FAM174B: variants seen among roughly 807,000 people sequenced by gnomAD.
FAM174B encodes the protein family with sequence similarity 174 member B.
FAM174B carries 12 observed loss-of-function variants against 10.9 expected under a neutral mutation model. The observed-to-expected ratio is 1.10, with a 90% CI of 0.71 to 1.79. The LOEUF (loss-of-function observed/expected upper bound fraction) is 1.79. Among genes scored for constraint, FAM174B ranks in the 40% most tolerant of loss-of-function variants. The probability of loss-of-function intolerance (pLI) is 0.00; values close to 1 mark genes in which losing one functional copy is unlikely to be tolerated. For missense variants in FAM174B, 266 were observed against 233.3 expected (o/e 1.14, Z -0.91); for synonymous variants, 132 against 115.8 (o/e 1.14, Z -0.90).
chr15:92,635,169 CCACACA>C (rs58350171), intron 1 of FAM174B, among the ~76,000 whole-genome samples: 2 of 10,776 alleles, frequency 1.9e-4, no homozygotes, highest in African/African-American at 3.1e-4. Flanking sequence ...CCACACACAC[CCACACA>C]CACACACACA....
rs183036404 is a variant in FAM174B at position 92,626,462 on chromosome 15, A to T, written c.476+3752T>A. On this transcript the variant is annotated intron_variant, in intron 2 of 2. Coordinates refer to ENST00000327355, the MANE Select transcript of FAM174B (RefSeq NM_207446.3). Reference sequence around the variant, plus strand: ...AATAACTGCAATAAACAAAAAGTTTAAAAATAATATTTTTTAAGAGACATC... The same window carrying T: ...AATAACTGCAATAAACAAAAAGTTTTAAAATAATATTTTTTAAGAGACATC... 2.6e-3 allele frequency among the ~76,000 whole-genome samples: 390 copies of T among 152,314 alleles called. 2 individuals carry two copies. Among genetic ancestry groups the T allele is most frequent in the African/African-American group, 8.9e-3 (368 of 41,562 alleles).
chr15:92,655,038 G>GT (rs1435044969), intron 1 of FAM174B: 1 of 302,654 alleles, frequency 3.3e-6, no homozygotes, highest in African/African-American at 2.2e-5. Flanking sequence ...TATTGTTAGT[G>GT]TTCAGCATTA....
intron 1 of FAM174B, among the ~76,000 whole-genome samples, chr15:92,632,102 A>G (rs1160843883): frequency 6.6e-6 from 1 of 152,236 alleles, no homozygotes; most frequent in African/African-American, 2.4e-5. Context: ...TGATAAATAA[A>G]GAGGAATTAA....
At chr15:92,629,636 C>A (rs2050777533) in intron 2 of FAM174B, among the ~76,000 whole-genome samples, 1 of 152,190 alleles carries the variant, frequency 6.6e-6, no homozygotes, top group Non-Finnish European at 1.5e-5. Context: ...TTGTGTTCTC[C>A]TTTGGGAAAA....
Position 92,631,171 on chromosome 15 carries a change from T to C in FAM174B, c.345-826A>G, listed in dbSNP as rs1310662089. Among the ~76,000 whole-genome samples, 39 of 15,664 alleles carry C rather than the reference T, an allele frequency of 2.5e-3. 11 individuals are homozygous for C. Among genetic ancestry groups the C allele is most frequent in the African/African-American group, 4.8e-3 (39 of 8,180 alleles). The allele number at this position is 15,664 out of a possible 152,430, so 10.3% of individuals were successfully genotyped here. ...TATTATATTATATATTATATAATAA[T>C]TTATATATTATATTATATATTATAT... is the stretch of plus-strand genomic sequence containing the variant. On this transcript the variant is annotated intron_variant, in intron 1 of 2. Transcript: ENST00000327355.
chr15:92,619,995 A>G (rs2050708566), intron 2 of FAM174B: 1 of 158,244 alleles, frequency 6.3e-6, no homozygotes, highest in African/African-American at 2.4e-5. Context: ...TTCTTTTTCA[A>G]CCATTAAAAT....
chr15:92,650,354 T>A (rs761689668), intron 1 of FAM174B, among the ~76,000 whole-genome samples: 1 of 152,184 alleles, frequency 6.6e-6, no homozygotes, highest in Non-Finnish European at 1.5e-5. Context: ...TCAGACCGCT[T>A]AGAATTCAAC....
chr15:92,638,375 G>A (rs2050869084), intron 1 of FAM174B, among the ~76,000 whole-genome samples: 1 of 152,178 alleles, frequency 6.6e-6, no homozygotes, highest in Non-Finnish European at 1.5e-5. Context: ...TTCACCAGCT[G>A]CTCAGAAACA....
At chr15:92,649,888 A>G (rs933298321) in intron 1 of FAM174B, among the ~76,000 whole-genome samples, 5 of 152,218 alleles carry the variant, frequency 3.3e-5, no homozygotes, top group African/African-American at 1.2e-4. Flanking sequence ...AATATCAAAC[A>G]TGAAAGAAGA....
intron 2 of FAM174B, among the ~76,000 whole-genome samples, chr15:92,624,287 C>A (rs2050738887): frequency 6.6e-6 from 1 of 152,172 alleles, no homozygotes; most frequent in Non-Finnish European, 1.5e-5. Context: ...CCTTCCAGGC[C>A]TTGGAAGCTA....
At position 92,617,869 on chromosome 15, in the gene FAM174B, C is replaced by A; in HGVS notation, c.*1587G>T. 2.2e-6 allele frequency: 1 copy of A among 445,162 alleles called. No homozygotes were observed. The allele number at this position is 445,162 out of a possible 1,614,324, so 27.6% of individuals were successfully genotyped here. A position where few individuals can be genotyped will look rare whatever the true frequency, so the allele number is the denominator to read the frequency against. On this transcript the variant is annotated 3_prime_UTR_variant, in exon 3 of 3. Coordinates refer to ENST00000327355, the MANE Select transcript of FAM174B (RefSeq NM_207446.3). ...GCAGGGAGCAGAGACTACACGCAGG[C>A]CCCCCGTGGCTGGCAATACCATGCG...
rs200701341 is a variant in FAM174B, at chr15:92,630,254, C to A, written c.436G>T (p.Asp146Tyr). 4 of 1,613,276 alleles carry A rather than the reference C, an allele frequency of 2.5e-6. No individual in the cohort carries two copies. The East Asian group carries it at 8.9e-5, about 36-fold the overall frequency. The change falls in exon 2 of 3, where the codon GAT becomes TAT. Residue 146 changes from aspartate (D) to tyrosine (Y), a missense_variant. Transcript: ENST00000327355. ...VEMAPLNEEDDEDEDSTVFDI... is the reference protein window; with the variant it reads ...VEMAPLNEEDYEDEDSTVFDI... ...AATACTGTGGAGTCCTCATCTTCATCATCCTCTTCATTTAGTGGCGCCATT... is the reference window on the plus strand; with the variant it reads ...AATACTGTGGAGTCCTCATCTTCATAATCCTCTTCATTTAGTGGCGCCATT...
intron 1 of FAM174B, 156 bp downstream of exon 1, chr15:92,655,160 C>A: frequency 1.8e-6 from 2 of 1,083,286 alleles, no homozygotes; most frequent in Non-Finnish European, 2.4e-6. Flanking sequence ...ACACCCCGGC[C>A]CCCCACCCAC....
intron 1 of FAM174B, among the ~76,000 whole-genome samples, chr15:92,642,581 A>G (rs2050898697): frequency 6.6e-6 from 1 of 152,212 alleles, no homozygotes; most frequent in African/African-American, 2.4e-5. Flanking sequence ...TGATGGTTTT[A>G]TAAGGGGATT....
chr15:92,620,590 G>A (rs554593991), intron 2 of FAM174B, among the ~76,000 whole-genome samples: 25 of 152,198 alleles, frequency 1.6e-4, no homozygotes, highest in African/African-American at 5.1e-4. Flanking sequence ...CACGGCGGGT[G>A]GATCACTTGA....
intron 1 of FAM174B, among the ~76,000 whole-genome samples, chr15:92,635,171 A>ACACACC (rs2050846891): frequency 1.5e-5 from 2 of 129,414 alleles, no homozygotes; most frequent in African/African-American, 6.9e-5. Context: ...ACACACACCC[A>ACACACC]CACACACACA....
At position 92,617,560 on chromosome 15, in the gene FAM174B, G is replaced by T; in HGVS notation, c.*1896C>A. ...CTGCCAGGACCAGTGGCAAGCACCT[G>T]GCAGATGGAGCCCGGGTGTTTCTGC... On this transcript the variant is annotated 3_prime_UTR_variant, in exon 3 of 3. Transcript: ENST00000327355. 1 of 535,494 alleles carries T rather than the reference G, an allele frequency of 1.9e-6. No homozygotes were observed. The highest frequency in any genetic ancestry group is 2.5e-5 in the South Asian group (1 of 40,290). The allele number at this position is 535,494 out of a possible 1,614,324, so 33.2% of individuals were successfully genotyped here.
At chr15:92,632,059 C>T (rs1193055120) in intron 1 of FAM174B, among the ~76,000 whole-genome samples, 1 of 151,818 alleles carries the variant, frequency 6.6e-6, no homozygotes, top group Non-Finnish European at 1.5e-5. Context: ...AGCCTGCACA[C>T]AGCAGGCTCT....
In FAM174B at chr15:92,655,476, C is replaced by T. The variant is rs1392280086; in HGVS notation, c.184G>A (p.Ala62Thr). The change falls in exon 1 of 3, where the codon GCG (alanine) becomes ACG (threonine). Residue 62 changes from alanine to threonine, a missense_variant. Coordinates refer to ENST00000327355, the MANE Select transcript of FAM174B (RefSeq NM_207446.3). The stretch of plus-strand genomic sequence containing the variant: ...GAGCTGGAGCTGCCGCTGCCGCCCG[C>T]CGCCCCAGACCCAAACCGGGTGGTG... ...GNTTRFGSGA[A>T]GGSGSSSSNS... The T allele has an allele frequency of 6.4e-7, 1 of 1,553,834 alleles. No homozygotes were observed. Among genetic ancestry groups the T allele is most frequent in the Admixed American group, 1.9e-5 (1 of 51,468 alleles).
Sources: gnomAD v4.1 joint callset for allele counts (sites outside exome capture counted in the v4.1 genomes callset) on GRCh38, gnomAD v4.1.1 for gene constraint, MANE v1.5 for transcripts, NCBI Gene and HGNC (gene_info 2026-07-23, HGNC 2026-07-21) for gene names.